Variants in CYP2C19 observed in about 807,000 individuals in gnomAD.
The protein encoded by CYP2C19 is cytochrome P450 2C19.
CYP2C19 carries 59 observed loss-of-function variants against 40.9 expected under a neutral mutation model. The ratio of observed to expected loss-of-function variants is 1.44; its 90% CI spans 1.17 to 1.79. CYP2C19 has a LOEUF of 1.79. Ranked by LOEUF, CYP2C19 falls within the 40% of genes most tolerant of loss-of-function variation. The probability of loss-of-function intolerance (pLI) is 0.00; values close to 1 mark genes in which losing one functional copy is unlikely to be tolerated. For synonymous variants in CYP2C19, 253 were observed against 208.7 expected (o/e 1.21, Z -1.83); for missense variants, 754 against 596.9 (o/e 1.26, Z -2.74).
chr10:94,813,727 G>T (rs1005805823), intron 5 of CYP2C19, among the ~76,000 whole-genome samples: 1 of 151,094 alleles, frequency 6.6e-6, no homozygotes, highest in Non-Finnish European at 1.5e-5. Context: ...TGGGCTCCAT[G>T]GGGGTGAGAT....
intron 5 of CYP2C19, among the ~76,000 whole-genome samples, chr10:94,793,062 C>G (rs1208198426): frequency 6.6e-6 from 1 of 152,108 alleles, no homozygotes; most frequent in African/African-American, 2.4e-5. Context: ...TCTTTTTACT[C>G]TTTTTTCTCT....
chr10:94,784,131 A>T (rs1848511852), intron 5 of CYP2C19, among the ~76,000 whole-genome samples: 1 of 152,170 alleles, frequency 6.6e-6, no homozygotes, highest in Non-Finnish European at 1.5e-5. Flanking sequence ...CGTGTTATGG[A>T]TATATAAAGA....
intron 5 of CYP2C19, among the ~76,000 whole-genome samples, chr10:94,786,059 G>GTCTC (rs148764138): frequency 2.0e-5 from 3 of 149,822 alleles, no homozygotes; most frequent in Admixed American, 6.7e-5. Context: ...CTCTTTGGAT[G>GTCTC]TCTCTCTCTC....
At chr10:94,848,390 A>C (rs1002217678) in intron 7 of CYP2C19, among the ~76,000 whole-genome samples, 2 of 151,952 alleles carry the variant, frequency 1.3e-5, no homozygotes, top group Non-Finnish European at 2.9e-5. Flanking sequence ...ATCATTGTAG[A>C]TGTGTGGTAT....
At position 94,855,282 on chromosome 10, in the gene CYP2C19, C is replaced by T. The variant is rs1428919385; in HGVS notation, c.*2368C>T. Among the ~76,000 whole-genome samples the T allele has an allele frequency of 1.3e-5, 2 of 152,292 alleles. No individual in the cohort carries two copies. Among genetic ancestry groups the T allele is most frequent in the South Asian group, 4.1e-4 (2 of 4,830 alleles). On this transcript the variant is annotated 3_prime_UTR_variant, in exon 9 of 9. Coordinates refer to ENST00000371321, the MANE Select transcript of CYP2C19 (RefSeq NM_000769.4). ...TATTATACCCATTTGAACAACCAAA[C>T]AATTGCACTGATGATCTGTTAAGCA...
In CYP2C19 at chr10:94,855,229, C is replaced by T. The variant is rs1849713764; in HGVS notation, c.*2315C>T. Among the ~76,000 whole-genome samples, 1 of 152,160 alleles carries T rather than the reference C, an allele frequency of 6.6e-6. No individual in the cohort carries two copies. The highest frequency in any genetic ancestry group is 2.4e-5 in the African/African-American group (1 of 41,436). On this transcript the variant is annotated 3_prime_UTR_variant, in exon 9 of 9. Coordinates refer to ENST00000371321, the MANE Select transcript of CYP2C19 (RefSeq NM_000769.4). ...ACCCACCAGTGTAATCTCTTCATGTCCAGACATTATTTAGCCTACCATACT... is the reference window on the plus strand; with the variant it reads ...ACCCACCAGTGTAATCTCTTCATGTTCAGACATTATTTAGCCTACCATACT...
At chr10:94,812,199 G>T (rs1333301869) in intron 5 of CYP2C19, among the ~76,000 whole-genome samples, 5 of 152,114 alleles carry the variant, frequency 3.3e-5, no homozygotes, top group Admixed American at 1.3e-4. Flanking sequence ...GTTGAATATT[G>T]GCCCCCACTC....
chr10:94,842,330 T>C (rs920844754), intron 6 of CYP2C19, among the ~76,000 whole-genome samples: 2 of 152,010 alleles, frequency 1.3e-5, no homozygotes, highest in Non-Finnish European at 2.9e-5. Flanking sequence ...TTTTATTTCC[T>C]TTGGAATGTA....
chr10:94,770,861 G>A (rs1365221213), intron 1 of CYP2C19, among the ~76,000 whole-genome samples: 1 of 152,092 alleles, frequency 6.6e-6, no homozygotes, highest in Non-Finnish European at 1.5e-5. Flanking sequence ...TCCCAGTGGG[G>A]ATCCATACTG....
At chr10:94,799,340 T>TTTTGGC (rs1328326196) in intron 5 of CYP2C19, among the ~76,000 whole-genome samples, 53 of 152,300 alleles carry the variant, frequency 3.5e-4, no homozygotes, top group African/African-American at 1.2e-3. Flanking sequence ...CCTCACTCTC[T>TTTTGGC]TTTGGCTTGT....
chr10:94,849,991 C>G lies in CYP2C19; in HGVS notation c.1224C>G (p.Asp408Glu). ...AATTTCCCAACCCAGAGATGTTTGA[C>G]CCTCGTCACTTTCTGGATGAAGGTG... ...NKEFPNPEMF[D>E]PRHFLDEGGN... Residue 408 changes from aspartate (D) to glutamate (E), a missense_variant, in exon 8 of 9, where the codon GAC becomes GAG. Transcript: ENST00000371321. 1.2e-6 allele frequency: 2 copies of G among 1,613,724 alleles called. No homozygotes were observed. The highest frequency in any genetic ancestry group is 1.7e-6 in the Non-Finnish European group (2 of 1,179,774).
At chr10:94,815,224 T>G (rs1355096970) in intron 5 of CYP2C19, among the ~76,000 whole-genome samples, 1 of 151,818 alleles carries the variant, frequency 6.6e-6, no homozygotes, top group Non-Finnish European at 1.5e-5. Context: ...CTTAGAAAAC[T>G]GTGTGAAGCT....
At chr10:94,837,988 C>T (rs1454555142) in intron 6 of CYP2C19, among the ~76,000 whole-genome samples, 1 of 152,162 alleles carries the variant, frequency 6.6e-6, no homozygotes, top group African/African-American at 2.4e-5. Flanking sequence ...CCCTATTAGA[C>T]ATATAATTTT....
intron 5 of CYP2C19, among the ~76,000 whole-genome samples, chr10:94,787,306 G>A (rs1164167440): frequency 6.6e-6 from 1 of 151,756 alleles, no homozygotes; most frequent in East Asian, 1.9e-4. Context: ...TCTTTGGAAG[G>A]ACATATGTTC....
chr10:94,845,929 A>T (rs139853521), intron 7 of CYP2C19, among the ~76,000 whole-genome samples: 2 of 152,164 alleles, frequency 1.3e-5, no homozygotes, highest in East Asian at 3.9e-4. Flanking sequence ...ATATATATCT[A>T]CTTTGATATC....
At chr10:94,838,575 G>T (rs545931447) in intron 6 of CYP2C19, among the ~76,000 whole-genome samples, 19 of 152,158 alleles carry the variant, frequency 1.2e-4, no homozygotes, top group Non-Finnish European at 8.8e-5. Context: ...CTTGGAGGGG[G>T]CATAATCAGG....
rs1054245192 is a variant in CYP2C19 at position 94,850,084 on chromosome 10, G to C, written c.1291+26G>C. The C allele has an allele frequency of 1.9e-6, 3 of 1,612,440 alleles. No individual in the cohort carries two copies. The Admixed American group carries it at 5.0e-5, about 27-fold the overall frequency. On this transcript the variant is annotated intron_variant, in intron 8 of 8. Transcript: ENST00000371321. ...GTAATATAAATTTATTTCCCTTTGT[G>C]TTTCAGGGTACAAGATAACTTTTTT... is the stretch of plus-strand genomic sequence containing the variant.
intron 8 of CYP2C19, among the ~76,000 whole-genome samples, chr10:94,851,779 C>G (rs1376804909): frequency 6.6e-6 from 1 of 152,072 alleles, no homozygotes; most frequent in Non-Finnish European, 1.5e-5. Flanking sequence ...AAGGACAGAG[C>G]CCTCCTGACT....
At chr10:94,844,533 C>G (rs1017593223) in intron 7 of CYP2C19, among the ~76,000 whole-genome samples, 2 of 152,004 alleles carry the variant, frequency 1.3e-5, no homozygotes, top group African/African-American at 4.8e-5. Context: ...CTGCTCTTTT[C>G]CAATTTAAAC....
Sources: gnomAD v4.1 joint callset for allele counts (sites outside exome capture counted in the v4.1 genomes callset) on GRCh38, gnomAD v4.1.1 for gene constraint, MANE v1.5 for transcripts, NCBI Gene and HGNC (gene_info 2026-07-23, HGNC 2026-07-21) for gene names.